PLEKHG5: variants seen among roughly 807,000 people sequenced by gnomAD.
The protein encoded by PLEKHG5 is pleckstrin homology and RhoGEF domain containing G5.
PLEKHG5 carries 52 observed loss-of-function variants against 103.8 expected under a neutral mutation model. That is an observed-to-expected ratio of 0.50 (90% confidence interval 0.40 to 0.63). PLEKHG5 has a LOEUF of 0.63. PLEKHG5 is among the 30% of genes least tolerant of loss of function. The pLI, the probability that PLEKHG5 is intolerant of heterozygous loss-of-function variation, is 0.00. For missense variants in PLEKHG5, 1,205 were observed against 1,347.6 expected (o/e 0.89, Z 1.66); for synonymous variants, 592 against 575.5 (o/e 1.03, Z -0.41).
At chr1:6,478,819 T>A (rs1644828111) in intron 1 of PLEKHG5, among the ~76,000 whole-genome samples, 1 of 152,092 alleles carries the variant, frequency 6.6e-6, no homozygotes, top group African/African-American at 2.4e-5. Flanking sequence ...AATTTTTGTA[T>A]TTTTAGTAGA....
chr1:6,503,735 A>G (rs1489546130), intron 1 of PLEKHG5, among the ~76,000 whole-genome samples: 1 of 152,196 alleles, frequency 6.6e-6, no homozygotes, highest in Non-Finnish European at 1.5e-5. Flanking sequence ...AGAAAAATAA[A>G]GAGCACTTGG....
rs1644553019 is a variant in PLEKHG5 at position 6,470,891 on chromosome 1, T to C, written c.1393-7A>G. ...GTGGGTGCTTCTCCGCCCACTGCGG[T>C]GGGGGAGTGGGGGCGGGCTCAGGGC... On this transcript the variant is annotated splice_polypyrimidine_tract_variant and splice_region_variant and intron_variant, in intron 13 of 20. Coordinates refer to ENST00000377728, the MANE Select transcript of PLEKHG5 (RefSeq NM_020631.6). 2.1e-6 allele frequency: 3 copies of C among 1,412,460 alleles called. No homozygotes were observed. Among genetic ancestry groups the C allele is most frequent in the Non-Finnish European group, 2.8e-6 (3 of 1,086,370 alleles). The allele number at this position is 1,412,460 out of a possible 1,614,324, so 87.5% of individuals were successfully genotyped here. A position where few individuals can be genotyped will look rare whatever the true frequency, so the allele number is the denominator to read the frequency against.
At chr1:6,497,798 G>A (rs919571529), upstream of PLEKHG5, among the ~76,000 whole-genome samples, 1 of 152,208 alleles carries the variant, frequency 6.6e-6, no homozygotes, top group Non-Finnish European at 1.5e-5. The surrounding 1 kb of genome is among the most constrained non-coding windows in gnomAD (Gnocchi z 6.1). Context: ...CACCGGGAGA[G>A]ACTCGCCTGC....
At chr1:6,475,263 T>TCCCAACTCTCCTC in intron 4 of PLEKHG5, 125 bp from the exon 5 acceptor site, 1 of 477,138 alleles carries the variant, frequency 2.1e-6, no homozygotes, top group Non-Finnish European at 3.9e-6. Flanking sequence ...CCACCCTCCT[T>TCCCAACTCTCCTC]CCCAACCCTC....
chr1:6,478,827 A>G (rs1483211906), intron 1 of PLEKHG5, among the ~76,000 whole-genome samples: 1 of 152,110 alleles, frequency 6.6e-6, no homozygotes, highest in Non-Finnish European at 1.5e-5. Flanking sequence ...TATTTTTAGT[A>G]GAGACGGAGT....
At position 6,490,705 on chromosome 1, in the gene PLEKHG5, G is replaced by T; in HGVS notation, c.-88+932C>A. Reference sequence around the variant, plus strand: ...GGAGGGGTCCCAGGAAGGGCCCCGCGCCGGAGCCAGGGAGGTGGCTGGAGG... The same window carrying T: ...GGAGGGGTCCCAGGAAGGGCCCCGCTCCGGAGCCAGGGAGGTGGCTGGAGG... On this transcript the variant is annotated intron_variant, in intron 1 of 20. Transcript: ENST00000377728. This position sits in a 1 kb window ranked among gnomAD's most constrained non-coding sequence, Gnocchi z 8.0. 1 of 657,944 alleles carries T rather than the reference G, an allele frequency of 1.5e-6. No homozygotes were observed. The highest frequency in any genetic ancestry group is 1.9e-6 in the Non-Finnish European group (1 of 531,296). 40.8% of individuals were successfully genotyped at this position (657,944 alleles called of 1,614,324 possible).
upstream of PLEKHG5, chr1:6,497,419 T>C (rs1314532282): frequency 3.2e-6 from 3 of 941,436 alleles, no homozygotes; most frequent in Non-Finnish European, 3.8e-6. This position sits in a 1 kb window ranked among gnomAD's most constrained non-coding sequence, Gnocchi z 6.1. Flanking sequence ...CGCCGGACCC[T>C]CGCACGGGAG....
At chr1:6,489,019 G>A (rs947398869) in intron 1 of PLEKHG5, among the ~76,000 whole-genome samples, 1 of 152,154 alleles carries the variant, frequency 6.6e-6, no homozygotes, top group African/African-American at 2.4e-5. Flanking sequence ...GTCTGGGTGG[G>A]AGAGGGACTT....
chr1:6,497,223 C>A, upstream of PLEKHG5: 2 of 865,690 alleles, frequency 2.3e-6, no homozygotes, highest in South Asian at 1.4e-5. This position sits in a 1 kb window ranked among gnomAD's most constrained non-coding sequence, Gnocchi z 6.1. Flanking sequence ...GGCGCCCACC[C>A]CCTTGCCTGG....
chr1:6,499,904 A>T (rs996752485), upstream of PLEKHG5, among the ~76,000 whole-genome samples: 4 of 152,096 alleles, frequency 2.6e-5, no homozygotes, highest in African/African-American at 9.7e-5. Context: ...GGCACAAGTG[A>T]TCTTCCCACG....
intron 1 of PLEKHG5, among the ~76,000 whole-genome samples, chr1:6,517,555 A>G (rs546884208): frequency 6.6e-6 from 1 of 152,170 alleles, no homozygotes; most frequent in Non-Finnish European, 1.5e-5. Context: ...ACTGTGGCTC[A>G]CATAACTCTA....
In PLEKHG5 at chr1:6,518,134, A is replaced by G. The variant is rs546552133; in HGVS notation, c.-165+1311T>C. ...TTTTTAGTAGAGACGGGGTTTCACC[A>G]TGTTAGCCAGGATGGTCTTGATCTC... is the stretch of plus-strand genomic sequence containing the variant. On this transcript the variant is annotated intron_variant, in intron 1 of 21. Transcript: ENST00000377740. Among the ~76,000 whole-genome samples, 206 of 151,406 alleles carry G rather than the reference A, an allele frequency of 1.4e-3. 2 individuals are homozygous for G. The East Asian group carries it at 0.022, about 16-fold the overall frequency.
upstream of PLEKHG5, among the ~76,000 whole-genome samples, chr1:6,501,379 C>A (rs1462099230): frequency 6.6e-6 from 1 of 152,206 alleles, no homozygotes. The surrounding 1 kb of genome is among the most constrained non-coding windows in gnomAD (Gnocchi z 4.3). Context: ...AAGGCTGCTG[C>A]CTTCAGGAAG....
chr1:6,472,862 A>T, intron 9 of PLEKHG5, 124 bp downstream of exon 9: 1 of 929,840 alleles, frequency 1.1e-6, no homozygotes, highest in Non-Finnish European at 1.7e-6. Context: ...CAGTGTCTCC[A>T]AAGTGGGCTA....
upstream of PLEKHG5, among the ~76,000 whole-genome samples, chr1:6,499,096 GT>G (rs1258246740): frequency 6.6e-6 from 1 of 152,222 alleles, no homozygotes; most frequent in Non-Finnish European, 1.5e-5. Flanking sequence ...AACATCTGCT[GT>G]CCGCCCAGAA....
At chr1:6,474,994 G>C in intron 5 of PLEKHG5, 53 bp downstream of exon 5, 1 of 1,096,246 alleles carries the variant, frequency 9.1e-7, no homozygotes, top group Non-Finnish European at 1.4e-6. Context: ...CTGCAACATG[G>C]GGCCACCCCT....
intron 19 of PLEKHG5, 151 bp downstream of exon 19, chr1:6,468,891 C>T (rs980491293): frequency 2.7e-6 from 2 of 750,618 alleles, no homozygotes; most frequent in African/African-American, 3.4e-5. Context: ...CTGCCCTCCC[C>T]ACCCGGACTC....
chr1:6,471,123 C>T lies in PLEKHG5; in HGVS notation c.1282-23G>A, dbSNP rs1409619325. ...GAACTGGCCCGGGGCAGAACAACCA[C>T]GGCGCCGGTTACCGCGCGCTCCCTG... On this transcript the variant is annotated intron_variant, in intron 12 of 20. Coordinates refer to ENST00000377728, the MANE Select transcript of PLEKHG5 (RefSeq NM_020631.6). The T allele has an allele frequency of 2.3e-5, 36 of 1,547,772 alleles. No homozygotes were observed. The East Asian group carries it at 8.5e-4, about 37-fold the overall frequency.
chr1:6,473,974 CTT>C, intron 7 of PLEKHG5, 37 bp downstream of exon 7: 3 of 1,418,072 alleles, frequency 2.1e-6, no homozygotes, highest in Non-Finnish European at 2.9e-6. Context: ...GCCTGGGCCC[CTT>C]CCCACCCCCT....
Sources: gnomAD v4.1 joint callset for allele counts (sites outside exome capture counted in the v4.1 genomes callset) on GRCh38, gnomAD v4.1.1 for gene constraint, Gnocchi (gnomAD v3.1) non-coding constraint, MANE v1.5 for transcripts, NCBI Gene and HGNC (gene_info 2026-07-23, HGNC 2026-07-21) for gene names.